HMCN1: variants seen among roughly 807,000 people sequenced by gnomAD.
The protein encoded by HMCN1 is hemicentin-1.
A neutral mutation model predicts 625.9 loss-of-function variants in HMCN1; 321 were observed. The ratio of observed to expected loss-of-function variants is 0.51; its 90% confidence interval spans 0.47 to 0.56. The LOEUF (loss-of-function observed/expected upper bound fraction) is 0.56, where lower values mean the gene tolerates loss of function less well. Ranked by LOEUF, HMCN1 falls within the 20% of genes least tolerant of loss-of-function variation. The pLI is 0.00. For synonymous variants in HMCN1, 2,425 were observed against 2,417.6 expected (o/e 1.00, Z -0.09); for missense variants, 6,588 against 6,887.3 (o/e 0.96, Z 1.54).
chr1:186,153,421 T>G (rs779247167), intron 96 of HMCN1, among the ~76,000 whole-genome samples: 4 of 152,180 alleles, frequency 2.6e-5, no homozygotes, highest in Non-Finnish European at 5.9e-5. Flanking sequence ...AACATAGTGT[T>G]TGATGCCAAG....
intron 36 of HMCN1, 135 bp downstream of exon 36, chr1:186,023,288 G>GTTT (rs74451695): frequency 6.2e-4 from 325 of 526,144 alleles, no homozygotes; most frequent in African/African-American, 2.0e-3. Flanking sequence ...AAAACCTAGG[G>GTTT]TTTTTTTTTT....
chr1:185,736,748 G>A lies in HMCN1; in HGVS notation c.268+1701G>A, dbSNP rs549170474. 2.1e-4 allele frequency among the ~76,000 whole-genome samples: 32 copies of A among 152,294 alleles called. 2 individuals are homozygous for A. The South Asian group carries it at 6.4e-3, about 31-fold the overall frequency. On this transcript the variant is annotated intron_variant, in intron 1 of 106. Coordinates refer to ENST00000271588, the MANE Select transcript of HMCN1 (RefSeq NM_031935.3). ...CAAATGGGAGAGTTTGCTCTTTGCT[G>A]TAGTTGACTTTCCTGTAGTTTAGCA...
At position 186,057,175 on chromosome 1, in the gene HMCN1, C is replaced by A. The variant is rs997695041; in HGVS notation, c.7145-59C>A. 36 of 1,360,820 alleles carry A rather than the reference C, an allele frequency of 2.6e-5. No homozygotes were observed. The East Asian group carries it at 7.6e-4, about 29-fold the overall frequency. The allele number at this position is 1,360,820 out of a possible 1,614,324, so 84.3% of individuals were successfully genotyped here. ...GTTTGATATACAACATCAGGTATAT[C>A]AAATGTATATCAGGCAACTAATATT... is the stretch of plus-strand genomic sequence containing the variant. On this transcript the variant is annotated intron_variant, in intron 45 of 106. Transcript: ENST00000271588.
chr1:185,996,333 C>A (rs560684668), intron 24 of HMCN1, among the ~76,000 whole-genome samples: 17 of 152,096 alleles, frequency 1.1e-4, no homozygotes, highest in African/African-American at 4.1e-4. Context: ...AAGAGAAGAG[C>A]ATGTAATATT....
chr1:185,780,936 G>T (rs374753094), intron 1 of HMCN1, among the ~76,000 whole-genome samples: 2 of 151,692 alleles, frequency 1.3e-5, no homozygotes, highest in East Asian at 1.9e-4. Context: ...CCAGCTCCTC[G>T]TTGTACCTCT....
chr1:186,144,784 C>A (rs979101541), intron 91 of HMCN1, 81 bp downstream of exon 91: 3 of 1,529,302 alleles, frequency 2.0e-6, no homozygotes, highest in Non-Finnish European at 2.7e-6. Context: ...TTGCAATATT[C>A]CGTTATTTGG....
chr1:185,770,154 CA>C (rs1355500423), intron 1 of HMCN1, among the ~76,000 whole-genome samples: 1 of 152,084 alleles, frequency 6.6e-6, no homozygotes, highest in Non-Finnish European at 1.5e-5. Context: ...AGACTGATTC[CA>C]CCAAACCTCA....
intron 9 of HMCN1, among the ~76,000 whole-genome samples, chr1:185,926,000 A>G (rs1032447619): frequency 6.6e-6 from 1 of 152,200 alleles, no homozygotes; most frequent in African/African-American, 2.4e-5. Context: ...AATCAGCAGG[A>G]GTAGGCTAGA....
chr1:186,117,125 G>A lies in HMCN1; in HGVS notation c.11683+10G>A. 1 of 1,612,854 alleles carries A rather than the reference G, an allele frequency of 6.2e-7. No individual in the cohort carries two copies. The highest frequency in any genetic ancestry group is 1.1e-5 in the South Asian group (1 of 91,044). On this transcript the variant is annotated intron_variant, in intron 76 of 106. Transcript: ENST00000271588. ...GATCTCACTGTCCAAGGTAGAATTG[G>A]CTTGGAACATGGATTGAAACATGAT... is the stretch of plus-strand genomic sequence containing the variant.
chr1:185,750,363 C>G (rs1360716387), intron 1 of HMCN1, among the ~76,000 whole-genome samples: 1 of 152,148 alleles, frequency 6.6e-6, no homozygotes, highest in Non-Finnish European at 1.5e-5. Context: ...CTCAAATATT[C>G]TCTTTATCAG....
At chr1:185,950,890 G>C (rs1303830757) in intron 11 of HMCN1, among the ~76,000 whole-genome samples, 4 of 151,974 alleles carry the variant, frequency 2.6e-5, no homozygotes, top group Admixed American at 2.6e-4. Context: ...ATAAGGTGCA[G>C]ATCCTGAACT....
intron 1 of HMCN1, among the ~76,000 whole-genome samples, chr1:185,780,133 A>T (rs1466060930): frequency 6.6e-6 from 1 of 152,126 alleles, no homozygotes; most frequent in Non-Finnish European, 1.5e-5. Flanking sequence ...TTCACTCATG[A>T]TTTGGCTCTC....
intron 97 of HMCN1, among the ~76,000 whole-genome samples, chr1:186,156,035 T>G (rs1237626814): frequency 6.6e-6 from 1 of 152,212 alleles, no homozygotes; most frequent in Non-Finnish European, 1.5e-5. Flanking sequence ...GTCTGCACTC[T>G]TGCTTTTGGA....
At chr1:185,864,380 G>T in intron 2 of HMCN1, 90 bp from the exon 3 acceptor site, 2 of 1,244,022 alleles carry the variant, frequency 1.6e-6, no homozygotes, top group Non-Finnish European at 2.3e-6. Context: ...AAACTTGCTC[G>T]TTCTAAAACT....
intron 104 of HMCN1, among the ~76,000 whole-genome samples, chr1:186,181,407 G>A (rs1357274501): frequency 6.6e-6 from 1 of 151,958 alleles, no homozygotes; most frequent in East Asian, 1.9e-4. Context: ...CCATTTTCAT[G>A]GCTTTGTTTA....
intron 67 of HMCN1, 143 bp downstream of exon 67, chr1:186,094,516 G>T: frequency 1.4e-6 from 1 of 708,910 alleles, no homozygotes; most frequent in Non-Finnish European, 2.5e-6. Flanking sequence ...ACTGACTAGA[G>T]AATGTATTTT....
intron 4 of HMCN1, among the ~76,000 whole-genome samples, chr1:185,891,604 A>G (rs1202917141): frequency 6.8e-6 from 1 of 147,646 alleles, no homozygotes; most frequent in Non-Finnish European, 1.5e-5. Context: ...TTCTGGGTTG[A>G]AAATTCTTTT....
chr1:185,844,100 A>G (rs916207184), intron 1 of HMCN1, among the ~76,000 whole-genome samples: 10 of 152,196 alleles, frequency 6.6e-5, no homozygotes, highest in Admixed American at 3.9e-4. Flanking sequence ...GGAACATAGA[A>G]GCTTGGCTTG....
At chr1:185,959,616 A>G (rs1418780381) in intron 11 of HMCN1, among the ~76,000 whole-genome samples, 1 of 152,022 alleles carries the variant, frequency 6.6e-6, no homozygotes, top group African/African-American at 2.4e-5. Context: ...GTTGTTCTTG[A>G]TGATGATGAT....
Sources: gnomAD v4.1 joint callset for allele counts (sites outside exome capture counted in the v4.1 genomes callset) on GRCh38, gnomAD v4.1.1 for gene constraint, MANE v1.5 for transcripts, NCBI Gene and HGNC (gene_info 2026-07-23, HGNC 2026-07-21) for gene names.